Variants in RERE observed in about 807,000 individuals in gnomAD.
RERE encodes arginine-glutamic acid dipeptide repeats.
RERE carries 40 observed loss-of-function variants against 146.1 expected under a neutral mutation model. The observed-to-expected ratio is 0.27, with a 90% CI of 0.21 to 0.36. RERE has a LOEUF of 0.36. Among genes scored for constraint, RERE ranks in the 10% least tolerant of loss-of-function variants. RERE has a pLI of 1.00. For missense variants in RERE, 1,933 were observed against 2,138.7 expected (o/e 0.90, Z 1.90); for synonymous variants, 1,003 against 866.0 (o/e 1.16, Z -2.78).
intron 10 of RERE, among the ~76,000 whole-genome samples, chr1:8,487,173 A>G (rs900009028): frequency 6.6e-6 from 1 of 152,246 alleles, no homozygotes; most frequent in Non-Finnish European, 1.5e-5. Context: ...TAACAATCAT[A>G]TAATAATCTC....
chr1:8,370,941 G>A (rs1412351112), intron 12 of RERE, among the ~76,000 whole-genome samples: 1 of 152,170 alleles, frequency 6.6e-6, no homozygotes, highest in Non-Finnish European at 1.5e-5. Flanking sequence ...CAAACACAGA[G>A]GTATAAAATG....
chr1:8,574,369 C>G (rs1570457523), intron 4 of RERE, among the ~76,000 whole-genome samples: 1 of 121,144 alleles, frequency 8.3e-6, no homozygotes, highest in Middle Eastern at 5.6e-3. Context: ...TTTTGAGACG[C>G]AGTCTCGCTC....
intron 21 of RERE, 66 bp from the exon 22 acceptor site, chr1:8,355,665 C>G (rs1570011390): frequency 7.2e-7 from 1 of 1,392,948 alleles, no homozygotes; most frequent in African/African-American, 1.4e-5. Context: ...CAGGGCGGCA[C>G]AGGCACAGCA....
At position 8,614,654 on chromosome 1, in the gene RERE, T is replaced by C. The variant is rs1204451674; in HGVS notation, c.429A>G (p.Pro143=). Residue 143 remains proline, a synonymous_variant, in exon 4 of 23, where the codon CCA becomes CCG. Transcript: ENST00000400908. ...CTGGGGGGTCACACAAAGCAGGAGT[T>C]GGAGATCTGCAACAGGCCTGGGAGT... is the stretch of plus-strand genomic sequence containing the variant. ...VHNSQACCRS[P]TPALCDPPAC... The C allele has an allele frequency of 1.9e-6, 3 of 1,611,930 alleles. No individual in the cohort carries two copies. Among genetic ancestry groups the C allele is most frequent in the Admixed American group, 1.7e-5 (1 of 59,724 alleles).
chr1:8,489,922 T>C (rs898859483), intron 10 of RERE, among the ~76,000 whole-genome samples: 13 of 151,032 alleles, frequency 8.6e-5, no homozygotes, highest in Non-Finnish European at 1.0e-4. Context: ...TGGTGGCGAG[T>C]GCCTGTAGTC....
rs565100830 is a variant in RERE at position 8,602,345 on chromosome 1, T to A, written c.522+12216A>T. Among the ~76,000 whole-genome samples the A allele has an allele frequency of 1.0e-3, 156 of 150,692 alleles. 1 individual carries two copies. Among genetic ancestry groups the A allele is most frequent in the African/African-American group, 1.8e-3 (72 of 40,950 alleles). On this transcript the variant is annotated intron_variant, in intron 4 of 22. Coordinates refer to ENST00000400908, the MANE Select transcript of RERE (RefSeq NM_001042681.2). ...GGTGAACGCTGCAGTGAGCTGAGAC[T>A]GCGCCACTGCACTCCAGCCTGGTGA...
intron 4 of RERE, among the ~76,000 whole-genome samples, chr1:8,603,715 A>G (rs191188070): frequency 1.3e-5 from 2 of 152,202 alleles, no homozygotes; most frequent in Non-Finnish European, 2.9e-5. Flanking sequence ...CAAGTTTCAA[A>G]AACATGAAAG....
At chr1:8,390,016 G>T (rs534949203) in intron 12 of RERE, among the ~76,000 whole-genome samples, 3 of 152,080 alleles carry the variant, frequency 2.0e-5, no homozygotes, top group African/African-American at 7.2e-5. Flanking sequence ...AATACATCAC[G>T]GGTTAAGAAC....
intron 2 of RERE, among the ~76,000 whole-genome samples, chr1:8,635,947 T>TTTATCTTATCTTATCTTATC (rs779134387): frequency 5.5e-5 from 6 of 108,432 alleles, no homozygotes; most frequent in African/African-American, 1.7e-4. Flanking sequence ...ATTATTTTAT[T>TTTATCTTATCTTATCTTATC]TTATCTTATC....
intron 1 of RERE, among the ~76,000 whole-genome samples, chr1:8,768,933 CT>C (rs1200717132): frequency 1.3e-5 from 2 of 152,184 alleles, no homozygotes; most frequent in Non-Finnish European, 2.9e-5. Flanking sequence ...CATCAGACAA[CT>C]TCTAGAGGCC....
chr1:8,698,288 C>T (rs1639376489), intron 1 of RERE, among the ~76,000 whole-genome samples: 1 of 152,142 alleles, frequency 6.6e-6, no homozygotes, highest in African/African-American at 2.4e-5. Context: ...TCCTGAAGAA[C>T]ATGCAAAAGG....
chr1:8,639,197 A>C (rs1322698769), intron 2 of RERE, among the ~76,000 whole-genome samples: 1 of 152,108 alleles, frequency 6.6e-6, no homozygotes, highest in Non-Finnish European at 1.5e-5. Flanking sequence ...TACAGAAGCT[A>C]AGTTAGAGAA....
intron 4 of RERE, among the ~76,000 whole-genome samples, chr1:8,577,118 A>G (rs1214509424): frequency 2.0e-5 from 3 of 151,938 alleles, no homozygotes; most frequent in East Asian, 1.9e-4. Context: ...GCAGTGAGCC[A>G]AGATGGCGCC....
At chr1:8,582,529 T>C (rs1061039) in intron 4 of RERE, among the ~76,000 whole-genome samples, 97,692 of 151,626 alleles carry the variant, frequency 0.64, 31,981 homozygotes, top group East Asian at 0.83. Context: ...TCCACCACAC[T>C]TGGCTATTAT....
At chr1:8,432,914 T>C (rs1038875897) in intron 11 of RERE, among the ~76,000 whole-genome samples, 3 of 152,196 alleles carry the variant, frequency 2.0e-5, no homozygotes, top group Non-Finnish European at 2.9e-5. Context: ...TTTATATCTA[T>C]TCATCTCAGA....
chr1:8,663,960 C>T (rs575226918), intron 1 of RERE, among the ~76,000 whole-genome samples: 14 of 152,288 alleles, frequency 9.2e-5, no homozygotes, highest in African/African-American at 3.4e-4. Context: ...AGGAGGCCTC[C>T]CAGACCTACC....
At chr1:8,661,759 T>C (rs773920151) in intron 1 of RERE, among the ~76,000 whole-genome samples, 3 of 152,194 alleles carry the variant, frequency 2.0e-5, no homozygotes, top group Non-Finnish European at 4.4e-5. Flanking sequence ...TGGCTTTGAA[T>C]GTGTTAAGCT....
At chr1:8,751,212 A>T (rs1362634209) in intron 1 of RERE, 1 of 216,094 alleles carries the variant, frequency 4.6e-6, no homozygotes, top group African/African-American at 2.3e-5. Context: ...AAACATACTT[A>T]TTCAAGCAGC....
intron 9 of RERE, among the ~76,000 whole-genome samples, chr1:8,497,089 G>C (rs1416032391): frequency 6.6e-6 from 1 of 152,134 alleles, no homozygotes; most frequent in Non-Finnish European, 1.5e-5. Context: ...CTGAATGACT[G>C]AAGTACTCAA....
Sources: allele counts gnomAD v4.1 joint callset (sites outside exome capture counted in the v4.1 genomes callset), GRCh38; gene constraint gnomAD v4.1.1; transcripts MANE v1.5; gene names NCBI Gene and HGNC (gene_info 2026-07-23, HGNC 2026-07-21).